Variants in SYCP1 observed in about 807,000 individuals in gnomAD.
The protein encoded by SYCP1 is synaptonemal complex protein 1.
A neutral mutation model predicts 153.1 loss-of-function variants in SYCP1; 64 were observed. The observed-to-expected ratio is 0.42, with a 90% CI of 0.34 to 0.51. The LOEUF (loss-of-function observed/expected upper bound fraction) is 0.51, where lower values mean the gene tolerates loss of function less well. Ranked by LOEUF, SYCP1 falls within the 20% of genes least tolerant of loss-of-function variation. The probability of loss-of-function intolerance (pLI) is 0.06; values close to 1 mark genes in which losing one functional copy is unlikely to be tolerated. For missense variants in SYCP1, 997 were observed against 1,049.0 expected (o/e 0.95, Z 0.68); for synonymous variants, 384 against 341.8 (o/e 1.12, Z -1.36).
intron 27 of SYCP1, among the ~76,000 whole-genome samples, chr1:114,961,976 C>CTTTTTT (rs562251009): frequency 1.6e-5 from 2 of 124,420 alleles, no homozygotes; most frequent in African/African-American, 3.1e-5. Context: ...TGCCATCTAT[C>CTTTTTT]TTTTTTTTTT....
chr1:114,947,682 G>A (rs1365210152), intron 27 of SYCP1, among the ~76,000 whole-genome samples: 7 of 150,930 alleles, frequency 4.6e-5, no homozygotes, highest in African/African-American at 7.3e-5. Flanking sequence ...GTGCGGTGGC[G>A]GGCGCCTGTA....
intron 23 of SYCP1, among the ~76,000 whole-genome samples, chr1:114,939,113 T>A: frequency 6.6e-6 from 1 of 152,146 alleles, no homozygotes; most frequent in Non-Finnish European, 1.5e-5. Flanking sequence ...TTCACCTATG[T>A]TCATAGCAAC....
At chr1:114,901,032 C>G (rs1205189363) in intron 16 of SYCP1, among the ~76,000 whole-genome samples, 2 of 152,286 alleles carry the variant, frequency 1.3e-5, no homozygotes, top group South Asian at 2.1e-4. Flanking sequence ...GATCCAAGCA[C>G]TTATCTTCCT....
At chr1:114,917,633 C>T (rs937406183) in intron 20 of SYCP1, among the ~76,000 whole-genome samples, 5 of 152,058 alleles carry the variant, frequency 3.3e-5, no homozygotes, top group African/African-American at 1.2e-4. Context: ...TCTGCATCCT[C>T]GCCAGTATTT....
intron 8 of SYCP1, among the ~76,000 whole-genome samples, chr1:114,868,971 C>A (rs924692292): frequency 6.6e-6 from 1 of 152,172 alleles, no homozygotes; most frequent in Non-Finnish European, 1.5e-5. Context: ...TTTTATTGAT[C>A]TTTTCAAATA....
Position 114,944,252 on chromosome 1 carries a change from A to T in SYCP1, c.1927-87A>T, listed in dbSNP as rs184250789. On this transcript the variant is annotated intron_variant, in intron 23 of 31. Coordinates refer to ENST00000369522, the MANE Select transcript of SYCP1 (RefSeq NM_003176.4). ...TTCCATGAATAAGTAATCTTCTAAG[A>T]TTCACAAAACCACAAAATGAATATG... is the stretch of plus-strand genomic sequence containing the variant. The T allele has an allele frequency of 3.2e-4, 248 of 772,338 alleles. 3 individuals carry two copies. The African/African-American group carries it at 3.6e-3, about 11-fold the overall frequency. 47.8% of individuals were successfully genotyped at this position (772,338 alleles called of 1,614,324 possible).
At chr1:114,962,035 T>C (rs997474813) in intron 27 of SYCP1, among the ~76,000 whole-genome samples, 5 of 150,086 alleles carry the variant, frequency 3.3e-5, no homozygotes, top group Non-Finnish European at 5.9e-5. Context: ...TGGAGTGCAG[T>C]GACACAATTT....
intron 21 of SYCP1, among the ~76,000 whole-genome samples, chr1:114,925,520 T>C (rs928753215): frequency 3.3e-5 from 5 of 152,142 alleles, no homozygotes; most frequent in Admixed American, 1.3e-4. Context: ...TTCCCAGATA[T>C]TTTGTGTGAC....
At chr1:114,864,940 G>T (rs1664635394) in intron 8 of SYCP1, among the ~76,000 whole-genome samples, 2 of 152,012 alleles carry the variant, frequency 1.3e-5, no homozygotes, top group African/African-American at 4.8e-5. Flanking sequence ...GTATACATGT[G>T]CCATGCTGGT....
intron 27 of SYCP1, among the ~76,000 whole-genome samples, chr1:114,968,613 G>A (rs1672290865): frequency 6.6e-6 from 1 of 152,076 alleles, no homozygotes; most frequent in South Asian, 2.1e-4. Flanking sequence ...TTTGCATTGG[G>A]TTAGAACATG....
At chr1:114,942,917 C>A (rs978590849) in intron 23 of SYCP1, among the ~76,000 whole-genome samples, 1 of 151,686 alleles carries the variant, frequency 6.6e-6, no homozygotes, top group Non-Finnish European at 1.5e-5. Flanking sequence ...ATATAAAGAA[C>A]AAAGGATTAG....
chr1:114,881,056 T>TATATATATATATATAC, intron 12 of SYCP1, among the ~76,000 whole-genome samples: 1 of 145,044 alleles, frequency 6.9e-6, no homozygotes, highest in African/African-American at 2.6e-5. Context: ...TTTGTGTATA[T>TATATATATATATATAC]ACACACACAC....
At chr1:114,948,591 T>C (rs967197976) in intron 27 of SYCP1, among the ~76,000 whole-genome samples, 3 of 152,238 alleles carry the variant, frequency 2.0e-5, no homozygotes, top group Non-Finnish European at 2.9e-5. Context: ...GAGCTTACTA[T>C]ATATGTGTGT....
At chr1:114,943,244 T>C (rs1670499441) in intron 23 of SYCP1, among the ~76,000 whole-genome samples, 1 of 151,962 alleles carries the variant, frequency 6.6e-6, no homozygotes, top group Admixed American at 6.6e-5. Flanking sequence ...ATTCCAATCC[T>C]AGGTATATAC....
chr1:114,873,186 A>AT (rs1437534211), intron 8 of SYCP1, among the ~76,000 whole-genome samples: 1 of 151,968 alleles, frequency 6.6e-6, no homozygotes, highest in African/African-American at 2.4e-5. Context: ...GTCAAAGTGT[A>AT]TTTTTTGCTT....
chr1:114,911,528 A>G lies in SYCP1; in HGVS notation c.1475A>G (p.Glu492Gly). The change falls in exon 18 of 32, where the codon GAA (glutamate) becomes GGA (glycine). Residue 492 changes from glutamate (E) to glycine (G), a missense_variant. Glu to Gly is a moderately conservative substitution (Grantham distance 98, BLOSUM62 -2). Around this residue, in one of 2 missense-constraint regions of SYCP1, gnomAD observed 712 missense variants for 682.9 expected, o/e 1.04. Coordinates refer to ENST00000369522, the MANE Select transcript of SYCP1 (RefSeq NM_003176.4). ...CAGTTAACTGCCATTACCACAAGTG[A>G]ACAGTATTATTCAAAAGAGGTTAAA... Reference protein sequence around the residue: ...EIQLTAITTSEQYYSKEVKDL... With the variant: ...EIQLTAITTSGQYYSKEVKDL... The G allele has an allele frequency of 6.4e-7, 1 of 1,560,974 alleles. No homozygotes were observed. Among genetic ancestry groups the G allele is most frequent in the Non-Finnish European group, 8.6e-7 (1 of 1,158,440 alleles).
intron 23 of SYCP1, among the ~76,000 whole-genome samples, chr1:114,940,465 A>T (rs1670315889): frequency 6.6e-6 from 1 of 152,120 alleles, no homozygotes. Context: ...AATGCTGTAA[A>T]TTTCCCACTA....
At chr1:114,877,768 T>G (rs907126869) in intron 11 of SYCP1, among the ~76,000 whole-genome samples, 2 of 152,168 alleles carry the variant, frequency 1.3e-5, no homozygotes, top group African/African-American at 4.8e-5. Flanking sequence ...TGGAGCTGAA[T>G]TGGGCAGGAT....
At chr1:114,856,690 T>C (rs370418869) in intron 3 of SYCP1, 33 bp downstream of exon 3, 2 of 1,492,018 alleles carry the variant, frequency 1.3e-6, no homozygotes, top group Non-Finnish European at 1.8e-6. Context: ...TATCAGCTTA[T>C]ATAGAAACAT....
Sources: gnomAD v4.1 joint callset for allele counts (sites outside exome capture counted in the v4.1 genomes callset) on GRCh38, gnomAD v4.1.1 for gene constraint, gnomAD v4.1.1 regional missense constraint, MANE v1.5 for transcripts, NCBI Gene and HGNC (gene_info 2026-07-23, HGNC 2026-07-21) for gene names.